The following GRID1 variants were observed in gnomAD, a reference collection of about 807,000 sequenced individuals.
GRID1 encodes the protein glutamate ionotropic receptor delta type subunit 1.
GRID1 carries 28 observed loss-of-function variants against 98.0 expected under a neutral mutation model. That is an observed-to-expected ratio of 0.29 (90% CI 0.21 to 0.39). The LOEUF (loss-of-function observed/expected upper bound fraction) is 0.39. Among genes scored for constraint, GRID1 ranks in the 10% least tolerant of loss-of-function variants. The probability of loss-of-function intolerance (pLI) is 1.00; values close to 1 mark genes in which losing one functional copy is unlikely to be tolerated. For synonymous variants in GRID1, 553 were observed against 538.5 expected (o/e 1.03, Z -0.37); for missense variants, 1,111 against 1,340.5 (o/e 0.83, Z 2.67).
chr10:85,819,506 G>C (rs779512560), intron 8 of GRID1, among the ~76,000 whole-genome samples: 1 of 152,074 alleles, frequency 6.6e-6, no homozygotes, highest in Non-Finnish European at 1.5e-5. Flanking sequence ...ACCTTAAACA[G>C]GCAATCAAGG....
intron 2 of GRID1, among the ~76,000 whole-genome samples, chr10:86,327,548 T>C (rs944451015): frequency 6.6e-6 from 1 of 152,246 alleles, no homozygotes; most frequent in African/African-American, 2.4e-5. Context: ...CATTAAATGC[T>C]GTATCTTACT....
chr10:86,256,342 G>A (rs750837675), intron 2 of GRID1, among the ~76,000 whole-genome samples: 20 of 152,332 alleles, frequency 1.3e-4, no homozygotes, highest in Non-Finnish European at 2.6e-4. Flanking sequence ...GTTCACACCT[G>A]TAATCCCAGC....
intron 13 of GRID1, among the ~76,000 whole-genome samples, chr10:85,643,529 A>T (rs918976669): frequency 1.3e-5 from 2 of 152,172 alleles, no homozygotes; most frequent in African/African-American, 4.8e-5. Flanking sequence ...AGGGAAGAAG[A>T]CAGATTTCAG....
At chr10:86,252,713 G>A (rs1846856458) in intron 2 of GRID1, among the ~76,000 whole-genome samples, 1 of 152,184 alleles carries the variant, frequency 6.6e-6, no homozygotes. Context: ...TCGAGTGGTG[G>A]AAGGATGTAT....
At chr10:85,719,110 C>T (rs938912253) in intron 12 of GRID1, among the ~76,000 whole-genome samples, 4 of 152,204 alleles carry the variant, frequency 2.6e-5, no homozygotes, top group African/African-American at 9.6e-5. Context: ...TAAAACATAA[C>T]AAGAGTCACC....
At chr10:85,832,728 T>C (rs1286151167) in intron 8 of GRID1, among the ~76,000 whole-genome samples, 7 of 151,856 alleles carry the variant, frequency 4.6e-5, no homozygotes, top group African/African-American at 7.3e-5. Flanking sequence ...CCCAACAACA[T>C]AAAAAATGCA....
intron 2 of GRID1, among the ~76,000 whole-genome samples, chr10:86,316,669 C>T (rs569740953): frequency 1.3e-5 from 2 of 152,244 alleles, no homozygotes; most frequent in African/African-American, 4.8e-5. Context: ...AATAAGCCAG[C>T]ACTGTGAATT....
intron 8 of GRID1, among the ~76,000 whole-genome samples, chr10:85,778,923 G>A (rs1233610312): frequency 6.6e-6 from 1 of 152,116 alleles, no homozygotes; most frequent in Non-Finnish European, 1.5e-5. Flanking sequence ...GAAGAGTGTG[G>A]AATAAAGACA....
intron 8 of GRID1, among the ~76,000 whole-genome samples, chr10:85,837,779 C>G (rs1842923754): frequency 1.3e-5 from 2 of 152,168 alleles, no homozygotes; most frequent in Non-Finnish European, 2.9e-5. Context: ...CGCATCATCT[C>G]TCCAGCAAGG....
chr10:85,950,107 A>T (rs984618563), intron 4 of GRID1, among the ~76,000 whole-genome samples: 7 of 152,198 alleles, frequency 4.6e-5, no homozygotes, highest in African/African-American at 1.7e-4. Context: ...TAAATTAATG[A>T]TCTTAAATGA....
chr10:85,784,958 T>C (rs1842413173), intron 8 of GRID1, among the ~76,000 whole-genome samples: 1 of 152,146 alleles, frequency 6.6e-6, no homozygotes, highest in Admixed American at 6.5e-5. Flanking sequence ...TTCTGCTCAA[T>C]GAGATGTGAC....
rs372537748 is a variant in GRID1, at chr10:85,878,883, G to A, written c.781-9703C>T. Among the ~76,000 whole-genome samples the A allele has an allele frequency of 8.6e-4, 131 of 151,830 alleles. 1 individual carries two copies. In the East Asian group the frequency reaches 0.016, roughly 18 times the overall value. ...GCTGTATTCAGGAAACCCATCTCAC[G>A]TGCAGAGACACAAATAGGCTCAAAA... On this transcript the variant is annotated intron_variant, in intron 5 of 15. Transcript: ENST00000327946.
At chr10:85,606,101 C>A (rs1339248243) in intron 15 of GRID1, 1 of 152,184 alleles carries the variant, frequency 6.6e-6, no homozygotes. Flanking sequence ...ATAACTAGTT[C>A]TCTGCCAGTC....
chr10:86,001,677 T>A (rs187445486), intron 4 of GRID1, among the ~76,000 whole-genome samples: 91 of 152,334 alleles, frequency 6.0e-4, no homozygotes, highest in African/African-American at 2.1e-3. Context: ...TAGCATCCAA[T>A]GATCCAGAAA....
intron 3 of GRID1, among the ~76,000 whole-genome samples, chr10:86,176,064 C>T (rs1240528156): frequency 9.2e-5 from 14 of 152,096 alleles, no homozygotes; most frequent in Admixed American, 8.5e-4. Flanking sequence ...AGGCTGGTCT[C>T]GAACCCCTGA....
chr10:85,720,428 C>T (rs141252055), intron 12 of GRID1, among the ~76,000 whole-genome samples: 11 of 152,114 alleles, frequency 7.2e-5, no homozygotes, highest in East Asian at 3.9e-4. Flanking sequence ...GTAAGGCTTA[C>T]GCTATAGCTA....
At chr10:86,059,240 C>A (rs1843617467) in intron 4 of GRID1, among the ~76,000 whole-genome samples, 1 of 152,144 alleles carries the variant, frequency 6.6e-6, no homozygotes. Flanking sequence ...ATCAAGAGGT[C>A]TTGCTTGTCA....
intron 15 of GRID1, among the ~76,000 whole-genome samples, chr10:85,612,261 C>T (rs1345729424): frequency 6.6e-6 from 1 of 152,134 alleles, no homozygotes; most frequent in Admixed American, 6.5e-5. Flanking sequence ...CATGGTGGAC[C>T]CAGCCTTGCT....
chr10:85,955,626 C>T (rs1330113014), intron 4 of GRID1, among the ~76,000 whole-genome samples: 1 of 152,194 alleles, frequency 6.6e-6, no homozygotes, highest in Non-Finnish European at 1.5e-5. Context: ...GGATAAGAAA[C>T]AACTAGCAAC....
Sources: allele counts gnomAD v4.1 joint callset (sites outside exome capture counted in the v4.1 genomes callset), GRCh38; gene constraint gnomAD v4.1.1; transcripts MANE v1.5; gene names NCBI Gene and HGNC (gene_info 2026-07-23, HGNC 2026-07-21).